Variants in CENPT observed in about 807,000 individuals in gnomAD.
CENPT encodes interphase centromere complex protein 22.
Under a neutral mutation model 59.7 loss-of-function variants are expected in CENPT, and 42 were observed. The ratio of observed to expected loss-of-function variants is 0.70; its 90% confidence interval spans 0.55 to 0.91. The LOEUF is 0.91. CENPT is among the 40% of genes least tolerant of loss of function. The pLI is 0.00. For missense variants in CENPT, 716 were observed against 713.4 expected (o/e 1.00, Z -0.04); for synonymous variants, 295 against 289.6 (o/e 1.02, Z -0.19).
At chr16:67,840,274 C>T (rs538003844) in intron 1 of CENPT, among the ~76,000 whole-genome samples, 7 of 152,190 alleles carry the variant, frequency 4.6e-5, no homozygotes, top group South Asian at 4.1e-4. Flanking sequence ...GCTGAGATCG[C>T]GCCACTGCCC....
chr16:67,845,549 G>A (rs2057792048), intron 1 of CENPT, among the ~76,000 whole-genome samples: 1 of 152,220 alleles, frequency 6.6e-6, no homozygotes, highest in Non-Finnish European at 1.5e-5. Context: ...CCCGGTCGGA[G>A]CAAGGCCTTT....
At chr16:67,836,306 C>A (rs950426323) in intron 1 of CENPT, among the ~76,000 whole-genome samples, 1 of 142,536 alleles carries the variant, frequency 7.0e-6, no homozygotes, top group Non-Finnish European at 1.5e-5. Context: ...ATGATCCGCC[C>A]ACCTCAGCCT....
At position 67,828,261 on chromosome 16, in the gene CENPT, TG is replaced by T. The variant is rs771416646; in HGVS notation, c.*5del. ...TGGGGACAGGGAAAGTGTTGAAGCC[TG>T]GCCACTACTGGGCAGGGAAGACAGA... is the stretch of plus-strand genomic sequence containing the variant. On this transcript the variant is annotated 3_prime_UTR_variant, in exon 16 of 16. Transcript: ENST00000562787. The T allele has an allele frequency of 6.3e-7, 1 of 1,577,196 alleles. No homozygotes were observed. The highest frequency in any genetic ancestry group is 1.4e-5 in the African/African-American group (1 of 74,036).
In CENPT at chr16:67,830,265, G is replaced by A. The variant is rs765236806; in HGVS notation, c.862+125C>T. 3.1e-6 allele frequency: 4 copies of A among 1,309,392 alleles called. No individual in the cohort carries two copies. In the Admixed American group the frequency reaches 8.0e-5, roughly 26 times the overall value. The allele number at this position is 1,309,392 out of a possible 1,614,324, so 81.1% of individuals were successfully genotyped here. ...TGGCCCAACATGGACTCTGCTCTTG[G>A]ATGAAGGAGGCAGCCACAGCCAGGG... On this transcript the variant is annotated intron_variant, in intron 11 of 15. Coordinates refer to ENST00000562787, the MANE Select transcript of CENPT (RefSeq NM_025082.4).
In CENPT at chr16:67,831,231, A is replaced by T. The variant is rs763607981; in HGVS notation, c.688T>A (p.Ser230Thr). Residue 230 changes from serine (S) to threonine (T), a missense_variant, in exon 10 of 16, where the codon TCC becomes ACC. Ser to Thr is a moderately conservative substitution (Grantham distance 58). Coordinates refer to ENST00000562787, the MANE Select transcript of CENPT (RefSeq NM_025082.4). ...GAFLRDLRDT[S>T]LAPPNIVLED... ...CCAACCTTACTTGGAGGAGCCAGGG[A>T]AGTATCTCGCAGATCCCGCAAAAAG... 6.2e-7 allele frequency: 1 copy of T among 1,614,040 alleles called. No homozygotes were observed. The highest frequency in any genetic ancestry group is 1.7e-5 in the Admixed American group (1 of 60,020).
At chr16:67,832,700 C>A (rs1287776006) in intron 4 of CENPT, among the ~76,000 whole-genome samples, 155 bp from the exon 5 acceptor site, 2 of 152,136 alleles carry the variant, frequency 1.3e-5, no homozygotes, top group Non-Finnish European at 2.9e-5. Context: ...CTGTTCCCAG[C>A]CCTATGTCAC....
rs8057789 is a variant in CENPT, at chr16:67,831,993, G to A, written c.386+19C>T. The A allele has an allele frequency of 7.7e-4, 1,231 of 1,592,340 alleles. 13 individuals are homozygous for A. The African/African-American group carries it at 0.016, about 20-fold the overall frequency. The stretch of plus-strand genomic sequence containing the variant: ...TAAGCTGCCCATAGCACAATCCAAG[G>A]TGGGGGAGTTCTGTGTACCTGCCGC... On this transcript the variant is annotated intron_variant, in intron 7 of 15. Transcript: ENST00000562787.
At chr16:67,845,171 A>C (rs1284549000) in intron 1 of CENPT, among the ~76,000 whole-genome samples, 1 of 152,198 alleles carries the variant, frequency 6.6e-6, no homozygotes, top group Non-Finnish European at 1.5e-5. Context: ...GCTCAAAGCC[A>C]ATGTCTAAAA....
At position 67,843,636 on chromosome 16, in the gene CENPT, G is replaced by A; in HGVS notation, c.-492+3765C>T. On this transcript the variant is annotated intron_variant, in intron 1 of 15. Coordinates refer to ENST00000562787, the MANE Select transcript of CENPT (RefSeq NM_025082.4). The surrounding 1 kb of genome is among the most constrained non-coding windows in gnomAD (Gnocchi z 5.7). ...AAGGCAGCTGGACTCTCTTGCTGGT[G>A]ACCTGGCATCCTCAATTGTTTCCTC... 2.3e-6 allele frequency: 2 copies of A among 862,082 alleles called. No homozygotes were observed. Among genetic ancestry groups the A allele is most frequent in the South Asian group, 3.7e-5 (2 of 54,044 alleles). The allele number at this position is 862,082 out of a possible 1,614,324, so 53.4% of individuals were successfully genotyped here. A position where few individuals can be genotyped will look rare whatever the true frequency, so the allele number is the denominator to read the frequency against.
chr16:67,840,963 C>T (rs1220460924), intron 1 of CENPT, among the ~76,000 whole-genome samples: 3 of 148,256 alleles, frequency 2.0e-5, no homozygotes, highest in Middle Eastern at 7.1e-3. Context: ...AGTTCGAGAC[C>T]AGCCTGAGAA....
In CENPT at chr16:67,831,998, G is replaced by A. The variant is rs1323556690; in HGVS notation, c.386+14C>T. On this transcript the variant is annotated intron_variant, in intron 7 of 15. Transcript: ENST00000562787. ...TGCCCATAGCACAATCCAAGGTGGGGGAGTTCTGTGTACCTGCCGCAACTG... is the reference window on the plus strand; with the variant it reads ...TGCCCATAGCACAATCCAAGGTGGGAGAGTTCTGTGTACCTGCCGCAACTG... 6.3e-7 allele frequency: 1 copy of A among 1,592,816 alleles called. No homozygotes were observed. Among genetic ancestry groups the A allele is most frequent in the Non-Finnish European group, 8.6e-7 (1 of 1,167,724 alleles).
intron 1 of CENPT, chr16:67,847,109 A>C (rs2057807702): frequency 2.1e-5 from 3 of 144,390 alleles, no homozygotes; most frequent in African/African-American, 2.5e-5. Context: ...CGGCGGCCCG[A>C]AGCCGCGCGG....
intron 4 of CENPT, 80 bp downstream of exon 4, chr16:67,833,668 CAG>C (rs1447823749): frequency 8.4e-6 from 7 of 828,744 alleles, no homozygotes; most frequent in Middle Eastern, 4.9e-4. Flanking sequence ...CCTCTTCGAA[CAG>C]AGTCGACGCT....
rs980301573 is a variant in CENPT at position 67,842,302 on chromosome 16, G to T, written c.-492+5099C>A. 1.2e-5 allele frequency: 2 copies of T among 168,318 alleles called. No individual in the cohort carries two copies. Among genetic ancestry groups the T allele is most frequent in the Admixed American group, 1.3e-4 (2 of 15,778 alleles). 10.4% of individuals were successfully genotyped at this position (168,318 alleles called of 1,614,324 possible). A position where few individuals can be genotyped will look rare whatever the true frequency, so the allele number is the denominator to read the frequency against. On this transcript the variant is annotated intron_variant, in intron 1 of 15. Coordinates refer to ENST00000562787, the MANE Select transcript of CENPT (RefSeq NM_025082.4). The surrounding 1 kb of genome is among the most constrained non-coding windows in gnomAD (Gnocchi z 4.9). The stretch of plus-strand genomic sequence containing the variant: ...GGGGGCGTAGTCTCTTTCTCAGGCG[G>T]TCCTTCGCGGCGTCCCCGGGGCCCA...
At chr16:67,840,193 T>C (rs1328253360) in intron 1 of CENPT, among the ~76,000 whole-genome samples, 1 of 148,994 alleles carries the variant, frequency 6.7e-6, no homozygotes, top group African/African-American at 2.5e-5. Flanking sequence ...TGGCGGGCGC[T>C]TGTAGTCCCA....
chr16:67,831,245 T>A lies in CENPT; in HGVS notation c.674A>T (p.Asp225Val). Residue 225 changes from aspartate (D) to valine (V), a missense_variant, in exon 10 of 16, where the codon GAT (aspartate) becomes GTT (valine). Coordinates refer to ENST00000562787, the MANE Select transcript of CENPT (RefSeq NM_025082.4). Reference sequence around the variant, plus strand: ...AGGAGCCAGGGAAGTATCTCGCAGATCCCGCAAAAAGGCACCCACGTCTAC... The same window carrying A: ...AGGAGCCAGGGAAGTATCTCGCAGAACCCGCAAAAAGGCACCCACGTCTAC... ...RAVDVGAFLR[D>V]LRDTSLAPPN... The A allele has an allele frequency of 1.2e-6, 2 of 1,613,874 alleles. No homozygotes were observed. Among genetic ancestry groups the A allele is most frequent in the Non-Finnish European group, 1.7e-6 (2 of 1,179,970 alleles).
At chr16:67,834,711 G>T (rs1390070110) in intron 3 of CENPT, among the ~76,000 whole-genome samples, 1 of 152,178 alleles carries the variant, frequency 6.6e-6, no homozygotes, top group Non-Finnish European at 1.5e-5. Context: ...AAGGCTAATA[G>T]GCTGTTTGTG....
intron 11 of CENPT, 76 bp downstream of exon 11, chr16:67,830,314 T>G: frequency 6.5e-7 from 1 of 1,535,022 alleles, no homozygotes; most frequent in Non-Finnish European, 8.8e-7. Context: ...CAGAGGGGCT[T>G]GAGGAAGGAA....
At position 67,843,507 on chromosome 16, in the gene CENPT, C is replaced by T. The variant is rs373145281; in HGVS notation, c.-492+3894G>A. 2.1e-5 allele frequency: 33 copies of T among 1,598,152 alleles called. No homozygotes were observed. In the African/African-American group the frequency reaches 3.6e-4, roughly 17 times the overall value. The stretch of plus-strand genomic sequence containing the variant: ...AAGAAGCACGGAATGTGAACTGGTG[C>T]CCCGGCAGCCTGCTGGACTCCCAGA... On this transcript the variant is annotated intron_variant, in intron 1 of 15. Coordinates refer to ENST00000562787, the MANE Select transcript of CENPT (RefSeq NM_025082.4). This position sits in a 1 kb window ranked among gnomAD's most constrained non-coding sequence, Gnocchi z 5.7.
Sources: allele counts gnomAD v4.1 joint callset (sites outside exome capture counted in the v4.1 genomes callset), GRCh38; gene constraint gnomAD v4.1.1; non-coding constraint Gnocchi (gnomAD v3.1); transcripts MANE v1.5; gene names NCBI Gene and HGNC (gene_info 2026-07-23, HGNC 2026-07-21).